Variants in CNTN5 observed in about 807,000 individuals in gnomAD.
The protein encoded by CNTN5 is contactin-5.
In CNTN5, 77 loss-of-function variants were observed where a neutral mutation model predicts 129.1. That is an observed-to-expected ratio of 0.60 (90% CI 0.50 to 0.72). CNTN5 has a LOEUF of 0.72. Among genes scored for constraint, CNTN5 ranks in the 30% least tolerant of loss-of-function variants. CNTN5 has a pLI of 0.00. For missense variants in CNTN5, 1,478 were observed against 1,328.8 expected (o/e 1.11, Z -1.75); for synonymous variants, 509 against 465.6 (o/e 1.09, Z -1.20).
intron 1 of CNTN5, among the ~76,000 whole-genome samples, chr11:99,091,431 C>T (rs1866246286): frequency 6.6e-6 from 1 of 152,258 alleles, no homozygotes; most frequent in South Asian, 2.1e-4. Context: ...GTCTGTAAGG[C>T]ACAAGGAACC....
intron 9 of CNTN5, among the ~76,000 whole-genome samples, chr11:100,037,060 A>T (rs943669029): frequency 1.3e-5 from 2 of 152,022 alleles, no homozygotes; most frequent in Non-Finnish European, 2.9e-5. Context: ...TTTCAAAGGG[A>T]ATGCTTCCAG....
intron 2 of CNTN5, among the ~76,000 whole-genome samples, chr11:99,506,202 A>G (rs1946611016): frequency 6.6e-6 from 1 of 152,200 alleles, no homozygotes; most frequent in African/African-American, 2.4e-5. Flanking sequence ...TTGGTCAGCA[A>G]ATTAGTCTGG....
chr11:99,318,030 A>G (rs935077206), intron 1 of CNTN5, among the ~76,000 whole-genome samples: 2 of 152,210 alleles, frequency 1.3e-5, no homozygotes, highest in Non-Finnish European at 2.9e-5. Flanking sequence ...AAATCCAAGT[A>G]TAAAACTTTG....
At position 99,635,744 on chromosome 11, in the gene CNTN5, T is replaced by G. The variant is rs950227681; in HGVS notation, c.55+79475T>G. On this transcript the variant is annotated intron_variant, in intron 3 of 24. Transcript: ENST00000524871. ...GGGAAAATGACAAGCTCATGGTAGGTAAATAAATTATGTTTATGTATTTGT... is the reference window on the plus strand; with the variant it reads ...GGGAAAATGACAAGCTCATGGTAGGGAAATAAATTATGTTTATGTATTTGT... Among the ~76,000 whole-genome samples, 3 of 152,142 alleles carry G rather than the reference T, an allele frequency of 2.0e-5. No homozygotes were observed. The South Asian group carries it at 6.2e-4, about 32-fold the overall frequency.
At chr11:99,669,373 C>T (rs563400464) in intron 3 of CNTN5, among the ~76,000 whole-genome samples, 95 of 152,082 alleles carry the variant, frequency 6.2e-4, no homozygotes, top group Middle Eastern at 3.4e-3. Context: ...CTGGCTATTT[C>T]TCATTTCAAA....
intron 1 of CNTN5, among the ~76,000 whole-genome samples, chr11:99,102,278 G>T (rs530070007): frequency 2.0e-5 from 3 of 151,084 alleles, no homozygotes; most frequent in African/African-American, 4.8e-5. Context: ...TGCTGCAAAG[G>T]TCTCTGACAT....
At chr11:100,162,627 G>A (rs964810648) in intron 13 of CNTN5, among the ~76,000 whole-genome samples, 1 of 151,688 alleles carries the variant, frequency 6.6e-6, no homozygotes, top group African/African-American at 2.4e-5. Context: ...CACACAACTA[G>A]ATCAGGCTTA....
At chr11:99,991,779 C>G (rs200389907) in intron 8 of CNTN5, among the ~76,000 whole-genome samples, 2 of 132,064 alleles carry the variant, frequency 1.5e-5, no homozygotes, top group Admixed American at 9.5e-5. Context: ...CACTCAAATA[C>G]TCAAGCAAGT....
intron 1 of CNTN5, among the ~76,000 whole-genome samples, chr11:99,140,587 G>C (rs924187296): frequency 1.3e-5 from 2 of 152,094 alleles, no homozygotes; most frequent in Non-Finnish European, 2.9e-5. Flanking sequence ...CAAGGGGAAT[G>C]CTTCCAGGAT....
At chr11:99,330,641 T>C (rs959191886) in intron 2 of CNTN5, among the ~76,000 whole-genome samples, 1 of 152,016 alleles carries the variant, frequency 6.6e-6, no homozygotes, top group Non-Finnish European at 1.5e-5. Flanking sequence ...ATAGGGAAAA[T>C]GTAAGAGAAG....
chr11:99,212,432 G>C (rs1015342256), intron 1 of CNTN5, among the ~76,000 whole-genome samples: 2 of 152,044 alleles, frequency 1.3e-5, no homozygotes, highest in African/African-American at 4.8e-5. Flanking sequence ...TTCCACTATC[G>C]ATAATACCTA....
chr11:99,689,389 T>C (rs977842688), intron 3 of CNTN5, among the ~76,000 whole-genome samples: 2 of 151,428 alleles, frequency 1.3e-5, no homozygotes, highest in Non-Finnish European at 2.9e-5. Context: ...TAGCTGGGCG[T>C]GGTGGTGGGC....
chr11:99,560,090 G>A (rs1948792033), intron 3 of CNTN5, among the ~76,000 whole-genome samples: 1 of 151,956 alleles, frequency 6.6e-6, no homozygotes, highest in African/African-American at 2.4e-5. Flanking sequence ...ATTTTTTAGG[G>A]CATTGAAACT....
chr11:100,269,400 G>A (rs572334778), intron 17 of CNTN5, among the ~76,000 whole-genome samples: 29 of 152,268 alleles, frequency 1.9e-4, no homozygotes, highest in African/African-American at 5.3e-4. Flanking sequence ...GAAACTGAGC[G>A]AAGGCTGGAA....
chr11:99,403,484 G>A (rs1200594295), intron 2 of CNTN5, among the ~76,000 whole-genome samples: 1 of 151,882 alleles, frequency 6.6e-6, no homozygotes, highest in Non-Finnish European at 1.5e-5. Flanking sequence ...TTTGATGTGA[G>A]CACTTACAGC....
intron 2 of CNTN5, among the ~76,000 whole-genome samples, chr11:99,430,767 G>C (rs1429054809): frequency 2.0e-5 from 3 of 151,860 alleles, no homozygotes; most frequent in African/African-American, 7.3e-5. Flanking sequence ...AAGGAAGAAA[G>C]AAAAATAAAA....
intron 3 of CNTN5, among the ~76,000 whole-genome samples, chr11:99,746,751 C>G (rs956442614): frequency 6.6e-6 from 1 of 152,172 alleles, no homozygotes; most frequent in African/African-American, 2.4e-5. Flanking sequence ...TTCGACGAAA[C>G]CAGCCCTGTG....
At chr11:100,166,510 G>A (rs1333985604) in intron 13 of CNTN5, among the ~76,000 whole-genome samples, 1 of 151,700 alleles carries the variant, frequency 6.6e-6, no homozygotes, top group East Asian at 1.9e-4. Flanking sequence ...CAAATAAGGA[G>A]TTAATACTAA....
At chr11:99,491,969 CAT>C (rs1946052968) in intron 2 of CNTN5, among the ~76,000 whole-genome samples, 1 of 152,128 alleles carries the variant, frequency 6.6e-6, no homozygotes. Context: ...TAGAAGAAGT[CAT>C]ATAACCAACT....
Sources: gnomAD v4.1 joint callset for allele counts (sites outside exome capture counted in the v4.1 genomes callset) on GRCh38, gnomAD v4.1.1 for gene constraint, MANE v1.5 for transcripts, NCBI Gene and HGNC (gene_info 2026-07-23, HGNC 2026-07-21) for gene names.